The following PACRGL variants were observed in gnomAD, a reference collection of about 807,000 sequenced individuals.
PACRGL encodes PACRG-like protein.
A neutral mutation model predicts 34.5 loss-of-function variants in PACRGL; 38 were observed. The observed-to-expected ratio is 1.10, with a 90% CI of 0.85 to 1.44. The LOEUF is 1.44. Ranked by LOEUF, PACRGL falls within the 40% of genes most tolerant of loss-of-function variation. The probability of loss-of-function intolerance (pLI) is 0.00; values close to 1 mark genes in which losing one functional copy is unlikely to be tolerated. For synonymous variants in PACRGL, 128 were observed against 100.1 expected (o/e 1.28, Z -1.66); for missense variants, 305 against 281.4 (o/e 1.08, Z -0.60).
the PACRGL span, among the ~76,000 whole-genome samples, chr4:20,762,468 AGT>A: frequency 2.6e-5 from 4 of 152,306 alleles, no homozygotes; most frequent in South Asian, 8.3e-4. Flanking sequence ...TATTGAAACT[AGT>A]GCATTTTTTT....
rs376914219 is a variant in PACRGL, at chr4:20,704,548, T to A, written c.52+15T>A. The A allele has an allele frequency of 3.8e-5, 62 of 1,613,576 alleles. No individual in the cohort carries two copies. Among genetic ancestry groups the A allele is most frequent in the Non-Finnish European group, 4.0e-5 (47 of 1,179,856 alleles). On this transcript the variant is annotated intron_variant, in intron 2 of 8. Coordinates refer to ENST00000503585, the MANE Select transcript of PACRGL (RefSeq NM_001258345.3). ...CAGAGCAACAGGTACAGAGCTTTTG[T>A]TTTTAAGTGAAGAGGTCAAGTTTGT... is the stretch of plus-strand genomic sequence containing the variant.
intron 7 of PACRGL, chr4:20,718,712 T>C (rs889140873): frequency 6.6e-6 from 1 of 152,266 alleles, no homozygotes; most frequent in Admixed American, 6.5e-5. Flanking sequence ...AGCTTTTTGA[T>C]GTGCTGCTGG....
the PACRGL span, among the ~76,000 whole-genome samples, chr4:20,761,416 A>C: frequency 1.4e-4 from 22 of 152,320 alleles, no homozygotes; most frequent in South Asian, 4.6e-3. Flanking sequence ...AAACATTTTG[A>C]CTATCTATCT....
chr4:20,757,377 T>A (rs1029477397), downstream of PACRGL, among the ~76,000 whole-genome samples: 1 of 152,144 alleles, frequency 6.6e-6, no homozygotes, highest in Non-Finnish European at 1.5e-5. Context: ...CACTGACCTA[T>A]CAGTGAAATG....
At chr4:20,761,383 G>T in the PACRGL span, among the ~76,000 whole-genome samples, 201 of 152,244 alleles carry the variant, frequency 1.3e-3, no homozygotes, top group African/African-American at 4.2e-3. Context: ...CTCCAAAGGT[G>T]GTATGTATAC....
chr4:20,761,440 G>A, the PACRGL span, among the ~76,000 whole-genome samples: 1 of 152,140 alleles, frequency 6.6e-6, no homozygotes, highest in African/African-American at 2.4e-5. Context: ...TGACACCAAT[G>A]GACCCATTTT....
At chr4:20,696,992 C>T (rs1731271148), upstream of PACRGL, among the ~76,000 whole-genome samples, 1 of 152,122 alleles carries the variant, frequency 6.6e-6, no homozygotes. Context: ...TTCTTTCCAC[C>T]TTTAAAAAAT....
At chr4:20,739,647 G>C (rs1259837854) in intron 8 of PACRGL, among the ~76,000 whole-genome samples, 1 of 152,166 alleles carries the variant, frequency 6.6e-6, no homozygotes, top group African/African-American at 2.4e-5. Flanking sequence ...AGAAACCAGA[G>C]CAGAAAAGCT....
At chr4:20,766,912 T>TA in the PACRGL span, 1 of 150,560 alleles carries the variant, frequency 6.6e-6, no homozygotes, top group Non-Finnish European at 1.5e-5. Flanking sequence ...GGCAAACTGT[T>TA]TAATCTAAGT....
chr4:20,760,002 C>A, the PACRGL span, among the ~76,000 whole-genome samples: 1 of 152,152 alleles, frequency 6.6e-6, no homozygotes, highest in Non-Finnish European at 1.5e-5. Flanking sequence ...TATCCTGTAT[C>A]TTTGATCTGC....
intron 5 of PACRGL, among the ~76,000 whole-genome samples, chr4:20,712,003 A>G (rs984086833): frequency 3.3e-5 from 5 of 152,122 alleles, no homozygotes; most frequent in Non-Finnish European, 7.4e-5. Flanking sequence ...AGGGGATCTT[A>G]TAGCCATGCA....
upstream of PACRGL, chr4:20,696,477 G>A (rs1278219179): frequency 6.6e-6 from 1 of 152,196 alleles, no homozygotes; most frequent in African/African-American, 2.4e-5. Context: ...ACTCCTCCAA[G>A]CCTCATCCTC....
chr4:20,717,922 G>A (rs1740949737), intron 7 of PACRGL, among the ~76,000 whole-genome samples: 1 of 152,144 alleles, frequency 6.6e-6, no homozygotes, highest in Admixed American at 6.6e-5. Flanking sequence ...AAATTACCTT[G>A]GGCAGTATGG....
chr4:20,698,118 AG>A (rs1263271165), upstream of PACRGL, among the ~76,000 whole-genome samples: 1 of 152,138 alleles, frequency 6.6e-6, no homozygotes, highest in African/African-American at 2.4e-5. Flanking sequence ...GTTCTTCAGT[AG>A]CCAAACCCAA....
chr4:20,709,228 A>C (rs555307419), intron 4 of PACRGL, among the ~76,000 whole-genome samples: 1 of 152,314 alleles, frequency 6.6e-6, no homozygotes, highest in South Asian at 2.1e-4. Context: ...TCCTGGCCTC[A>C]GTTTTCTTCT....
chr4:20,746,784 C>A (rs1219595744), intron 8 of PACRGL, among the ~76,000 whole-genome samples: 1 of 152,062 alleles, frequency 6.6e-6, no homozygotes, highest in Non-Finnish European at 1.5e-5. Context: ...AATCCAGGGC[C>A]CCTCCTATCA....
intron 8 of PACRGL, among the ~76,000 whole-genome samples, chr4:20,745,172 C>G (rs567652108): frequency 9.2e-5 from 14 of 152,202 alleles, no homozygotes; most frequent in Non-Finnish European, 1.5e-4. Context: ...GTAGCCAGCC[C>G]CATCTCTGGC....
intron 8 of PACRGL, among the ~76,000 whole-genome samples, chr4:20,747,508 A>G (rs183294681): frequency 1.3e-5 from 2 of 152,304 alleles, no homozygotes; most frequent in African/African-American, 4.8e-5. Flanking sequence ...TTAGCAAAAG[A>G]AACATTGTGG....
At chr4:20,719,784 T>A in intron 7 of PACRGL, among the ~76,000 whole-genome samples, 1 of 151,864 alleles carries the variant, frequency 6.6e-6, no homozygotes, top group Non-Finnish European at 1.5e-5. Flanking sequence ...TGTGATGTGG[T>A]GCTGAGAAGA....
Sources: gnomAD v4.1 joint callset for allele counts (sites outside exome capture counted in the v4.1 genomes callset) on GRCh38, gnomAD v4.1.1 for gene constraint, MANE v1.5 for transcripts, NCBI Gene and HGNC (gene_info 2026-07-23, HGNC 2026-07-21) for gene names.